PRKN: variants seen among roughly 807,000 people sequenced by gnomAD.
PRKN encodes parkin RBR E3 ubiquitin protein ligase, also known as E3 ubiquitin-protein ligase parkin.
PRKN carries 56 observed loss-of-function variants against 59.5 expected under a neutral mutation model. The ratio of observed to expected loss-of-function variants is 0.94; its 90% confidence interval spans 0.76 to 1.18. The LOEUF is 1.18. Among genes scored for constraint, PRKN ranks in the 50% most tolerant of loss-of-function variants. The probability of loss-of-function intolerance (pLI) is 0.00; values close to 1 mark genes in which losing one functional copy is unlikely to be tolerated. For missense variants in PRKN, 657 were observed against 596.4 expected, an observed-to-expected ratio of 1.10 and a Z score of -1.06; for synonymous variants, 250 against 222.1, an observed-to-expected ratio of 1.13 and a Z score of -1.12.
At chr6:162,633,232 G>A (rs1351311449) in intron 1 of PRKN, among the ~76,000 whole-genome samples, 4 of 151,512 alleles carry the variant, frequency 2.6e-5, no homozygotes, top group Non-Finnish European at 5.9e-5. Context: ...TAAGGAGTTC[G>A]AGACCAGCCT....
intron 6 of PRKN, among the ~76,000 whole-genome samples, chr6:161,963,311 G>A (rs892442628): frequency 3.9e-5 from 6 of 152,222 alleles, no homozygotes; most frequent in Non-Finnish European, 8.8e-5. Flanking sequence ...GGGTTGCTGC[G>A]CACCTGCGGT....
rs1780491238 is a variant in PRKN at position 161,562,433 on chromosome 6, T to C, written c.933+6922A>G. ...TTACCCAATTTCCAAACACTGGTGT[T>C]CCTTACGGTTCATCCAATCACGGTC... On this transcript the variant is annotated intron_variant, in intron 8 of 11. Transcript: ENST00000366898. This position sits in a 1 kb window ranked among gnomAD's most constrained non-coding sequence, Gnocchi z 4.3. Among the ~76,000 whole-genome samples, 2 of 152,228 alleles carry C rather than the reference T, an allele frequency of 1.3e-5. No individual in the cohort carries two copies. Among genetic ancestry groups the C allele is most frequent in the Admixed American group, 1.3e-4 (2 of 15,288 alleles).
chr6:162,222,820 C>T (rs945078866), intron 3 of PRKN, among the ~76,000 whole-genome samples: 2 of 152,064 alleles, frequency 1.3e-5, no homozygotes, highest in Admixed American at 1.3e-4. Context: ...TGGTTTACTT[C>T]ACCTCACTGT....
chr6:161,560,121 C>T lies in PRKN; in HGVS notation c.933+9234G>A, dbSNP rs1780401417. ...AGTCCCATATGGGTCCATACGTTTC[C>T]TAATATCAGCCAATTTCCATGCTTC... On this transcript the variant is annotated intron_variant, in intron 8 of 11. Transcript: ENST00000366898. This position sits in a 1 kb window ranked among gnomAD's most constrained non-coding sequence, Gnocchi z 4.9. Among the ~76,000 whole-genome samples, 1 of 152,270 alleles carries T rather than the reference C, an allele frequency of 6.6e-6. No individual in the cohort carries two copies. Among genetic ancestry groups the T allele is most frequent in the Non-Finnish European group, 1.5e-5 (1 of 68,012 alleles).
chr6:161,942,060 C>G (rs564859835), intron 6 of PRKN, among the ~76,000 whole-genome samples: 24 of 152,234 alleles, frequency 1.6e-4, no homozygotes, highest in African/African-American at 5.5e-4. Context: ...GATTTACATT[C>G]CTATAAATTA....
chr6:161,777,280 C>A (rs1789963840), intron 7 of PRKN, among the ~76,000 whole-genome samples: 1 of 152,124 alleles, frequency 6.6e-6, no homozygotes, highest in Non-Finnish European at 1.5e-5. Flanking sequence ...ATATCCTACC[C>A]TTAGAAAGTA....
intron 7 of PRKN, among the ~76,000 whole-genome samples, chr6:161,697,558 T>G (rs1215125012): frequency 2.0e-5 from 3 of 152,162 alleles, no homozygotes; most frequent in Non-Finnish European, 4.4e-5. Flanking sequence ...ATCTTTGTTG[T>G]TGGTTAATTT....
chr6:162,155,240 T>C (rs931248153), intron 4 of PRKN, among the ~76,000 whole-genome samples: 2 of 152,182 alleles, frequency 1.3e-5, no homozygotes, highest in Non-Finnish European at 2.9e-5. Context: ...CTTCTGCATC[T>C]ACACAGTTCT....
intron 2 of PRKN, among the ~76,000 whole-genome samples, chr6:162,341,076 A>AGG (rs1784155491): frequency 1.3e-5 from 2 of 152,176 alleles, no homozygotes; most frequent in African/African-American, 4.8e-5. Flanking sequence ...TACAAGGGAA[A>AGG]AAAAAACATC....
At chr6:161,792,597 A>C (rs545507290) in intron 6 of PRKN, among the ~76,000 whole-genome samples, 3 of 152,238 alleles carry the variant, frequency 2.0e-5, no homozygotes, top group Admixed American at 2.0e-4. Context: ...GGAAATAAAA[A>C]CTAAATTTCC....
chr6:161,999,353 T>G (rs975234085), intron 5 of PRKN, among the ~76,000 whole-genome samples: 2 of 152,074 alleles, frequency 1.3e-5, no homozygotes, highest in Non-Finnish European at 2.9e-5. Flanking sequence ...CACTGGACTT[T>G]ACTGGTGACT....
intron 2 of PRKN, among the ~76,000 whole-genome samples, chr6:162,328,556 G>A (rs570551077): frequency 3.3e-5 from 5 of 152,262 alleles, no homozygotes; most frequent in East Asian, 1.9e-4. Context: ...CCCTATCTAC[G>A]GGAGAAAAGA....
rs1363684818 is a variant in PRKN, at chr6:161,573,757, TATATATATATATA to T, written c.872-4354_872-4342del. Among the ~76,000 whole-genome samples the T allele has an allele frequency of 4.0e-3, 181 of 44,938 alleles. 8 individuals are homozygous for T. Among genetic ancestry groups the T allele is most frequent in the African/African-American group, 0.018 (172 of 9,786 alleles). The allele number at this position is 44,938 out of a possible 152,430, so 29.5% of individuals were successfully genotyped here. ...AAAAAAAAAAAAAAAAAAAAAAAAATATATATATATATATATATATATATATATATATATATAT... is the reference window on the plus strand; with the variant it reads ...AAAAAAAAAAAAAAAAAAAAAAAAATTATATATATATATATATATATATAT... On this transcript the variant is annotated intron_variant, in intron 7 of 11. Coordinates refer to ENST00000366898, the MANE Select transcript of PRKN (RefSeq NM_004562.3).
intron 6 of PRKN, among the ~76,000 whole-genome samples, chr6:161,939,686 C>T (rs1039179430): frequency 4.6e-5 from 7 of 151,456 alleles, no homozygotes; most frequent in Non-Finnish European, 7.4e-5. Flanking sequence ...GAGATGAGAT[C>T]GTGTCATTGC....
chr6:162,443,463 C>T lies in PRKN; in HGVS notation c.18G>A (p.Arg6=), dbSNP rs758661420. The change falls in exon 2 of 12, where the codon AGG becomes AGA. Residue 6 remains arginine, a synonymous_variant. Transcript: ENST00000366898. ...CTGGGAAACCATGGCTGGAGTTGAA[C>T]CTGACAAACACTGACCAAGGAAATT... MIVFV[R]FNSSHGFPVE... 6 of 1,614,016 alleles carry T rather than the reference C, an allele frequency of 3.7e-6. No individual in the cohort carries two copies. The highest frequency in any genetic ancestry group is 3.3e-5 in the South Asian group (3 of 91,076).
chr6:161,450,775 T>C (rs1207509589), intron 9 of PRKN, among the ~76,000 whole-genome samples: 1 of 152,194 alleles, frequency 6.6e-6, no homozygotes, highest in Non-Finnish European at 1.5e-5. Flanking sequence ...CAGGATGGTC[T>C]CGACCTCCTG....
chr6:161,865,890 A>T (rs1308838569), intron 6 of PRKN, among the ~76,000 whole-genome samples: 3 of 152,188 alleles, frequency 2.0e-5, no homozygotes, highest in Non-Finnish European at 4.4e-5. Flanking sequence ...TGGATAACTT[A>T]TTGGAGCAAG....
At chr6:161,941,483 A>ATC (rs1000045739) in intron 6 of PRKN, among the ~76,000 whole-genome samples, 4 of 151,884 alleles carry the variant, frequency 2.6e-5, no homozygotes, top group African/African-American at 9.7e-5. Context: ...ACTCAATAAA[A>ATC]CCTCACTCTC....
rs183606446 is a variant in PRKN at position 162,315,716 on chromosome 6, T to C, written c.172-52951A>G. Among the ~76,000 whole-genome samples the C allele has an allele frequency of 6.6e-5, 10 of 152,262 alleles. 1 individual carries two copies. The East Asian group carries it at 1.9e-3, about 29-fold the overall frequency. On this transcript the variant is annotated intron_variant, in intron 2 of 11. Coordinates refer to ENST00000366898, the MANE Select transcript of PRKN (RefSeq NM_004562.3). The stretch of plus-strand genomic sequence containing the variant: ...AAAATTAGAAGACATAAGTCTTTTT[T>C]GGAAATGGCTTAAAAATAGAAGGGG...
Sources: allele counts gnomAD v4.1 joint callset (sites outside exome capture counted in the v4.1 genomes callset), GRCh38; gene constraint gnomAD v4.1.1; non-coding constraint Gnocchi (gnomAD v3.1); transcripts MANE v1.5; gene names NCBI Gene and HGNC (gene_info 2026-07-23, HGNC 2026-07-21).